Variants in DOCK3 observed in about 807,000 individuals in gnomAD.
DOCK3 encodes dedicator of cytokinesis protein 3.
DOCK3 carries 60 observed loss-of-function variants against 265.6 expected under a neutral mutation model. The observed-to-expected ratio is 0.23, with a 90% CI of 0.18 to 0.28. DOCK3 has a LOEUF of 0.28. Ranked by LOEUF, DOCK3 falls within the 10% of genes least tolerant of loss-of-function variation. The pLI is 1.00. For missense variants in DOCK3, 1,981 were observed against 2,594.3 expected (o/e 0.76, Z 5.14); for synonymous variants, 881 against 938.0 (o/e 0.94, Z 1.11).
chr3:51,303,179 T>C (rs2109364352), intron 27 of DOCK3, among the ~76,000 whole-genome samples: 1 of 152,278 alleles, frequency 6.6e-6, no homozygotes, highest in East Asian at 1.9e-4. Flanking sequence ...GCTCTGAAAT[T>C]ATTTTCTCTG....
intron 2 of DOCK3, among the ~76,000 whole-genome samples, chr3:50,829,011 C>T (rs2044957321): frequency 6.6e-6 from 1 of 152,072 alleles, no homozygotes; most frequent in Non-Finnish European, 1.5e-5. Context: ...CGCGCCTGGA[C>T]CCTTTTACCC....
intron 7 of DOCK3, among the ~76,000 whole-genome samples, chr3:51,081,970 G>A (rs566039232): frequency 1.3e-5 from 2 of 151,774 alleles, no homozygotes; most frequent in Non-Finnish European, 2.9e-5. Context: ...GAGGCACCTG[G>A]CACTTGCCTT....
chr3:50,702,862 A>G (rs1021614294), intron 1 of DOCK3, among the ~76,000 whole-genome samples: 4 of 151,930 alleles, frequency 2.6e-5, no homozygotes, highest in East Asian at 3.9e-4. Flanking sequence ...TGCTCTAGCT[A>G]GGATCTCCAG....
intron 9 of DOCK3, among the ~76,000 whole-genome samples, chr3:51,143,898 A>C (rs1298008323): frequency 6.6e-6 from 1 of 152,226 alleles, no homozygotes; most frequent in Non-Finnish European, 1.5e-5. Context: ...GGGCGACAGA[A>C]AGTTTTCTAC....
At chr3:51,183,907 T>C (rs1265254592) in intron 12 of DOCK3, among the ~76,000 whole-genome samples, 1 of 152,192 alleles carries the variant, frequency 6.6e-6, no homozygotes, top group Non-Finnish European at 1.5e-5. Context: ...TTAGTATACA[T>C]ACAAATATTT....
intron 5 of DOCK3, among the ~76,000 whole-genome samples, chr3:50,993,211 C>G (rs2108634016): frequency 6.6e-6 from 1 of 152,238 alleles, no homozygotes; most frequent in African/African-American, 2.4e-5. Flanking sequence ...CATATCTGTC[C>G]CCTTGGCTAA....
At chr3:51,351,506 C>T (rs1228535891) in intron 40 of DOCK3, among the ~76,000 whole-genome samples, 1 of 152,186 alleles carries the variant, frequency 6.6e-6, no homozygotes, top group Non-Finnish European at 1.5e-5. Context: ...AGTAATCATT[C>T]TAGGCTAGAA....
chr3:51,029,365 A>G (rs991450596), intron 5 of DOCK3, among the ~76,000 whole-genome samples: 12 of 152,216 alleles, frequency 7.9e-5, no homozygotes, highest in African/African-American at 2.7e-4. Context: ...TGGAGCTGCC[A>G]TAAAAGCATG....
At chr3:50,811,810 AAG>A (rs1400635788) in intron 2 of DOCK3, among the ~76,000 whole-genome samples, 1 of 152,224 alleles carries the variant, frequency 6.6e-6, no homozygotes, top group Admixed American at 6.5e-5. Flanking sequence ...TGATCCAATC[AAG>A]AGAGAGAAAT....
rs755899438 is a variant in DOCK3, at chr3:51,270,907, G to A, written c.2448G>A (p.Leu816=). ...QEVAEFVRGT[L]GSMPSTVHIG... ...TGGCAGAGTTTGTGAGAGGGACACT[G>A]GGGAGCATGCCCAGCACTGTGCACA... Residue 816 remains leucine, a synonymous_variant, in exon 24 of 53, where the codon CTG becomes CTA. Coordinates refer to ENST00000266037, the MANE Select transcript of DOCK3 (RefSeq NM_004947.5). The A allele has an allele frequency of 1.9e-6, 3 of 1,614,028 alleles. No homozygotes were observed. Among genetic ancestry groups the A allele is most frequent in the East Asian group, 4.5e-5 (2 of 44,890 alleles).
Position 51,260,258 on chromosome 3 carries a change from C to G in DOCK3, c.2287C>G (p.Leu763Val). 6.2e-7 allele frequency: 1 copy of G among 1,613,916 alleles called. No individual in the cohort carries two copies. The highest frequency in any genetic ancestry group is 1.1e-5 in the South Asian group (1 of 91,060). The part of the protein sequence containing the change: ...EEQFRSSIQE[L>V]FQSIRFVLSL... ...ACAATTCAGATCCAGTATCCAAGAACTTTTCCAGTCCATCCGGTTTGTGCT... is the reference window on the plus strand; with the variant it reads ...ACAATTCAGATCCAGTATCCAAGAAGTTTTCCAGTCCATCCGGTTTGTGCT... Residue 763 changes from leucine (L) to valine (V), a missense_variant, in exon 23 of 53, where the codon CTT becomes GTT. Physicochemically the swap from Leu to Val is conservative, Grantham distance 32 (BLOSUM62 1). Around this residue, in one of 4 missense-constraint regions of DOCK3, gnomAD observed 1,357 missense variants for 1,866.8 expected, o/e 0.73. Transcript: ENST00000266037.
intron 3 of DOCK3, among the ~76,000 whole-genome samples, chr3:50,867,265 A>T (rs891676653): frequency 2.0e-5 from 3 of 152,100 alleles, no homozygotes; most frequent in Non-Finnish European, 4.4e-5. Flanking sequence ...TGATTTTTGT[A>T]TGTTCATTTT....
At chr3:51,022,317 C>T (rs1186083235) in intron 5 of DOCK3, among the ~76,000 whole-genome samples, 3 of 152,090 alleles carry the variant, frequency 2.0e-5, no homozygotes, top group Admixed American at 1.3e-4. Flanking sequence ...TTAACATTTC[C>T]ACTTTATCTT....
At position 51,354,289 on chromosome 3, in the gene DOCK3, G is replaced by T. The variant is rs764036927; in HGVS notation, c.4108-593G>T. Among the ~76,000 whole-genome samples, 5 of 151,102 alleles carry T rather than the reference G, an allele frequency of 3.3e-5. No individual in the cohort carries two copies. The South Asian group carries it at 8.4e-4, about 25-fold the overall frequency. On this transcript the variant is annotated intron_variant, in intron 40 of 52. Coordinates refer to ENST00000266037, the MANE Select transcript of DOCK3 (RefSeq NM_004947.5). ...ACTCCTTGGTAACATTGGAGTCAGG[G>T]TCAGGGTATTCCAAGGCCTGCCCAG...
chr3:50,728,682 C>T (rs1414186492), intron 1 of DOCK3, among the ~76,000 whole-genome samples: 3 of 151,142 alleles, frequency 2.0e-5, no homozygotes, highest in African/African-American at 7.3e-5. Flanking sequence ...AAAGTTGACA[C>T]AGGAAGAAAC....
intron 9 of DOCK3, among the ~76,000 whole-genome samples, chr3:51,139,852 AAC>A (rs1682910277): frequency 6.6e-6 from 1 of 152,228 alleles, no homozygotes; most frequent in African/African-American, 2.4e-5. Flanking sequence ...TTCCAGAGAA[AAC>A]AACATGCACA....
At chr3:51,314,912 G>A in intron 31 of DOCK3, 68 bp from the exon 32 acceptor site, 3 of 1,498,170 alleles carry the variant, frequency 2.0e-6, no homozygotes, top group Non-Finnish European at 2.7e-6. Flanking sequence ...ATGTGTTGTG[G>A]CCCCATTTGG....
chr3:51,262,741 GA>G (rs2079928628), intron 23 of DOCK3, among the ~76,000 whole-genome samples: 1 of 152,168 alleles, frequency 6.6e-6, no homozygotes, highest in South Asian at 2.1e-4. Context: ...TGATGGAGCT[GA>G]AAAACACAGC....
chr3:50,801,874 G>A (rs1344748739), intron 2 of DOCK3, among the ~76,000 whole-genome samples: 1 of 152,052 alleles, frequency 6.6e-6, no homozygotes, highest in African/African-American at 2.4e-5. Flanking sequence ...ATATGTCTGG[G>A]TGTTCTGATG....
Sources: allele counts gnomAD v4.1 joint callset (sites outside exome capture counted in the v4.1 genomes callset), GRCh38; gene constraint gnomAD v4.1.1; regional missense constraint gnomAD v4.1.1; transcripts MANE v1.5; gene names NCBI Gene and HGNC (gene_info 2026-07-23, HGNC 2026-07-21).